Variants in PDE1C observed in about 807,000 individuals in gnomAD.
PDE1C encodes dual specificity calcium/calmodulin-dependent 3',5'-cyclic nucleotide phosphodiesterase 1C.
Under a neutral mutation model 93.1 loss-of-function variants are expected in PDE1C, and 62 were observed. That is an observed-to-expected ratio of 0.67 (90% CI 0.54 to 0.82). PDE1C has a LOEUF of 0.82. Among genes scored for constraint, PDE1C ranks in the 40% least tolerant of loss-of-function variants. PDE1C has a pLI of 0.00. For synonymous variants in PDE1C, 325 were observed against 310.1 expected (o/e 1.05, Z -0.50); for missense variants, 742 against 884.6 (o/e 0.84, Z 2.04).
intron 7 of PDE1C, among the ~76,000 whole-genome samples, chr7:31,860,743 T>G (rs1252002670): frequency 6.6e-6 from 1 of 152,180 alleles, no homozygotes; most frequent in African/African-American, 2.4e-5. Flanking sequence ...TTGTATAACT[T>G]TTGTGTTTAA....
intron 1 of PDE1C, among the ~76,000 whole-genome samples, chr7:32,307,715 A>G (rs1402735833): frequency 6.6e-6 from 1 of 152,122 alleles, no homozygotes; most frequent in Non-Finnish European, 1.5e-5. Flanking sequence ...TGAGCCTACC[A>G]CTGTGATGTA....
intron 2 of PDE1C, among the ~76,000 whole-genome samples, chr7:32,186,116 G>A (rs1162996759): frequency 8.3e-6 from 1 of 120,678 alleles, no homozygotes; most frequent in Non-Finnish European, 1.7e-5. Flanking sequence ...TTTTTTTTGA[G>A]ACGGAGTCTC....
intron 1 of PDE1C, among the ~76,000 whole-genome samples, chr7:32,211,234 A>G (rs1806006489): frequency 6.6e-6 from 1 of 152,128 alleles, no homozygotes; most frequent in Non-Finnish European, 1.5e-5. Context: ...AAGAAATTAA[A>G]TAATTACTAC....
At position 32,219,984 on chromosome 7, in the gene PDE1C, G is replaced by C. The variant is rs1806722567; in HGVS notation, c.86-10445C>G. 2.0e-5 allele frequency among the ~76,000 whole-genome samples: 3 copies of C among 152,172 alleles called. No homozygotes were observed. The South Asian group carries it at 6.2e-4, about 32-fold the overall frequency. On this transcript the variant is annotated intron_variant, in intron 1 of 18. Transcript: ENST00000396193. ...CACGAGATCTGATGATTTTACAAGG[G>C]GTTTCCCCTTTCACTTGGCTCTCAT...
chr7:31,705,986 A>ATTTTTTTTTTTTTTTTTTTTT, the PDE1C span, among the ~76,000 whole-genome samples: 5 of 52,512 alleles, frequency 9.5e-5, no homozygotes, highest in African/African-American at 3.0e-4. Flanking sequence ...CAGACCAGTA[A>ATTTTTTTTTTTTTTTTTTTTT]TTTTTTTTTT....
At chr7:31,674,127 C>T in the PDE1C span, among the ~76,000 whole-genome samples, 5 of 152,174 alleles carry the variant, frequency 3.3e-5, no homozygotes, top group African/African-American at 1.2e-4. Context: ...ATTACAGTCA[C>T]CTTAGAAGTT....
intron 3 of PDE1C, among the ~76,000 whole-genome samples, chr7:32,123,292 A>G (rs917020726): frequency 1.3e-5 from 2 of 152,180 alleles, no homozygotes; most frequent in Non-Finnish European, 2.9e-5. Context: ...TACAAAAAGG[A>G]GCTGGTACAA....
At chr7:32,042,405 GC>G (rs1484429140) in intron 2 of PDE1C, among the ~76,000 whole-genome samples, 2 of 152,136 alleles carry the variant, frequency 1.3e-5, no homozygotes, top group African/African-American at 4.8e-5. Context: ...TTAAACCCTG[GC>G]CCGACCATTT....
At chr7:31,901,244 A>G (rs796075493) in intron 2 of PDE1C, among the ~76,000 whole-genome samples, 14 of 151,752 alleles carry the variant, frequency 9.2e-5, no homozygotes, top group African/African-American at 3.4e-4. Flanking sequence ...AGATTATAAA[A>G]AGTTCAATAA....
intron 16 of PDE1C, among the ~76,000 whole-genome samples, chr7:31,800,036 G>T (rs1405828743): frequency 6.6e-6 from 1 of 151,530 alleles, no homozygotes; most frequent in Non-Finnish European, 1.5e-5. Flanking sequence ...ATGATGTCAA[G>T]GATCTTTTAA....
At chr7:31,838,252 C>G (rs1791369693) in intron 9 of PDE1C, among the ~76,000 whole-genome samples, 1 of 152,132 alleles carries the variant, frequency 6.6e-6, no homozygotes, top group Non-Finnish European at 1.5e-5. Flanking sequence ...TTAAAATGCT[C>G]TTTTCTCCAA....
At chr7:31,816,399 T>C in intron 14 of PDE1C, among the ~76,000 whole-genome samples, 1 of 152,262 alleles carries the variant, frequency 6.6e-6, no homozygotes, top group Middle Eastern at 3.4e-3. Flanking sequence ...TAATAATTAA[T>C]AAACCAATAT....
At chr7:32,111,656 G>C (rs1034897539) in intron 3 of PDE1C, among the ~76,000 whole-genome samples, 11 of 152,194 alleles carry the variant, frequency 7.2e-5, no homozygotes, top group African/African-American at 2.7e-4. Flanking sequence ...TAGTCAGACA[G>C]CAGCTAGAAC....
chr7:31,967,789 C>G (rs554877989), intron 2 of PDE1C, among the ~76,000 whole-genome samples: 1 of 152,172 alleles, frequency 6.6e-6, no homozygotes, highest in Non-Finnish European at 1.5e-5. Flanking sequence ...CCCTGGGATG[C>G]AAGGCTGGTT....
At chr7:32,416,309 G>A (rs1785276030) in intron 1 of PDE1C, among the ~76,000 whole-genome samples, 1 of 152,184 alleles carries the variant, frequency 6.6e-6, no homozygotes, top group Non-Finnish European at 1.5e-5. Flanking sequence ...ACATATTCAA[G>A]GATAAGGATG....
At chr7:32,345,247 C>T (rs1016847529) in intron 1 of PDE1C, among the ~76,000 whole-genome samples, 1 of 152,172 alleles carries the variant, frequency 6.6e-6, no homozygotes, top group African/African-American at 2.4e-5. Flanking sequence ...TGAGCCCCTT[C>T]GCAGACACGT....
chr7:31,992,377 T>G (rs1234999572), intron 2 of PDE1C, among the ~76,000 whole-genome samples: 1 of 152,202 alleles, frequency 6.6e-6, no homozygotes, highest in Non-Finnish European at 1.5e-5. Flanking sequence ...CCAAGTGCCT[T>G]GGACATCAGG....
intron 16 of PDE1C, chr7:31,787,011 G>A (rs1218282909): frequency 6.6e-6 from 1 of 151,864 alleles, no homozygotes; most frequent in African/African-American, 2.4e-5. Flanking sequence ...AGTGACCCAT[G>A]AGAGAAGTGA....
At chr7:32,266,078 T>C (rs1433393961) in intron 1 of PDE1C, among the ~76,000 whole-genome samples, 1 of 127,042 alleles carries the variant, frequency 7.9e-6, no homozygotes, top group African/African-American at 3.1e-5. Context: ...ATCGAGACCA[T>C]CCTGGCCAAC....
Sources: gnomAD v4.1 joint callset for allele counts (sites outside exome capture counted in the v4.1 genomes callset) on GRCh38, gnomAD v4.1.1 for gene constraint, MANE v1.5 for transcripts, NCBI Gene and HGNC (gene_info 2026-07-23, HGNC 2026-07-21) for gene names.